The following HCRTR2 variants were observed in gnomAD, a reference collection of about 807,000 sequenced individuals.
HCRTR2 encodes orexin receptor type 2.
Under a neutral mutation model 49.0 loss-of-function variants are expected in HCRTR2, and 22 were observed. The observed-to-expected ratio is 0.45, with a 90% CI of 0.32 to 0.64. HCRTR2 has a LOEUF of 0.64. HCRTR2 is among the 30% of genes least tolerant of loss of function. The probability of loss-of-function intolerance (pLI) is 0.04; values close to 1 mark genes in which losing one functional copy is unlikely to be tolerated. For missense variants in HCRTR2, 491 were observed against 559.4 expected (o/e 0.88, Z 1.23); for synonymous variants, 236 against 205.3 (o/e 1.15, Z -1.28).
intron 4 of HCRTR2, among the ~76,000 whole-genome samples, chr6:55,269,010 A>C (rs928773690): frequency 1.3e-5 from 2 of 151,504 alleles, no homozygotes; most frequent in East Asian, 1.9e-4. Flanking sequence ...GAATGGCGTG[A>C]ACCCGGGGGG....
chr6:55,114,090 A>G (rs1021270021), intron 1 of HCRTR2, among the ~76,000 whole-genome samples: 1 of 151,650 alleles, frequency 6.6e-6, no homozygotes, highest in Non-Finnish European at 1.5e-5. Context: ...ATGCAAAGGC[A>G]TAAGAATGAT....
In HCRTR2 at chr6:55,160,672, G is replaced by A. The variant is rs185544868; in HGVS notation, c.-377-13539G>A. On this transcript the variant is annotated intron_variant, in intron 1 of 7. Coordinates refer to the HCRTR2 transcript ENST00000615358. ...AAGCAAATGGAAAGCAAAATAAAGC[G>A]GAGGTTGCAATCCTAGTCTCTGATA... Among the ~76,000 whole-genome samples the A allele has an allele frequency of 8.0e-4, 122 of 151,746 alleles. 3 individuals are homozygous for A. In the South Asian group the frequency reaches 0.017, roughly 21 times the overall value.
chr6:55,187,172 T>C (rs1467732887), intron 1 of HCRTR2, among the ~76,000 whole-genome samples: 5 of 151,958 alleles, frequency 3.3e-5, no homozygotes, highest in African/African-American at 1.2e-4. Context: ...TTTGGGATGC[T>C]GAGGCGGGTG....
intron 1 of HCRTR2, among the ~76,000 whole-genome samples, chr6:55,121,943 G>T (rs1764205996): frequency 6.6e-6 from 1 of 152,042 alleles, no homozygotes; most frequent in African/African-American, 2.4e-5. Context: ...TTGTGTCTCT[G>T]CCAAGTTTTG....
chr6:55,189,923 G>A (rs1175128605), intron 1 of HCRTR2, among the ~76,000 whole-genome samples: 4 of 152,170 alleles, frequency 2.6e-5, no homozygotes, highest in African/African-American at 7.2e-5. Flanking sequence ...ACAAAGATAC[G>A]TGGAGTTTGA....
At chr6:55,247,890 T>C (rs1226067088) in intron 1 of HCRTR2, among the ~76,000 whole-genome samples, 14 of 152,120 alleles carry the variant, frequency 9.2e-5, no homozygotes, top group African/African-American at 7.2e-5. Flanking sequence ...ATGTACTTTA[T>C]TACAGTACTC....
At chr6:55,142,209 T>G (rs1257957286) in intron 1 of HCRTR2, among the ~76,000 whole-genome samples, 1 of 152,010 alleles carries the variant, frequency 6.6e-6, no homozygotes, top group African/African-American at 2.4e-5. Flanking sequence ...AAATTTTTTT[T>G]TTTTTGAGAC....
chr6:55,174,768 T>G lies in HCRTR2; in HGVS notation c.181T>G (p.Tyr61Asp). The change falls in exon 1 of 7, where the codon TAC (tyrosine) becomes GAC (aspartate). Residue 61 changes from tyrosine (Y) to aspartate (D), a missense_variant. Coordinates refer to ENST00000370862, the MANE Select transcript of HCRTR2 (RefSeq NM_001384272.1). ...ATATGAGTGGGTCCTGATCGCCGGG[T>G]ACATCATCGTGTTCGTCGTGGCTCT... is the stretch of plus-strand genomic sequence containing the variant. ...KEYEWVLIAG[Y>D]IIVFVVALIG... The G allele has an allele frequency of 6.2e-7, 1 of 1,613,938 alleles. No homozygotes were observed. The highest frequency in any genetic ancestry group is 8.5e-7 in the Non-Finnish European group (1 of 1,179,976).
chr6:55,244,055 G>A (rs746874450), intron 1 of HCRTR2, among the ~76,000 whole-genome samples: 2 of 152,000 alleles, frequency 1.3e-5, no homozygotes, highest in Admixed American at 6.6e-5. Flanking sequence ...GATGGTCTGG[G>A]CACGGAATAT....
chr6:55,142,621 A>G (rs1764523088), intron 1 of HCRTR2, among the ~76,000 whole-genome samples: 1 of 152,100 alleles, frequency 6.6e-6, no homozygotes, highest in Admixed American at 6.6e-5. Context: ...CTATATAAGT[A>G]TATGTAAGTA....
At chr6:55,173,641 A>C (rs79287400), upstream of HCRTR2, among the ~76,000 whole-genome samples, 1,159 of 152,332 alleles carry the variant, frequency 7.6e-3, 11 homozygotes, top group Middle Eastern at 0.017. Flanking sequence ...CCTACAGTGA[A>C]TGTTTAATAT....
At chr6:55,135,898 T>C (rs1191772372) in intron 1 of HCRTR2, among the ~76,000 whole-genome samples, 2 of 152,158 alleles carry the variant, frequency 1.3e-5, no homozygotes, top group Admixed American at 1.3e-4. Context: ...TGGTGATAAC[T>C]TGAGGAGTCA....
At chr6:55,243,043 G>A (rs1325246165) in intron 1 of HCRTR2, among the ~76,000 whole-genome samples, 1 of 151,076 alleles carries the variant, frequency 6.6e-6, no homozygotes, top group Admixed American at 6.6e-5. Flanking sequence ...CATGTCTTAC[G>A]GAGAATGTGC....
intron 1 of HCRTR2, among the ~76,000 whole-genome samples, chr6:55,192,203 A>C (rs1415278299): frequency 6.6e-6 from 1 of 152,142 alleles, no homozygotes; most frequent in Non-Finnish European, 1.5e-5. Context: ...CTCAAATTTT[A>C]ATCTTTTGTT....
intron 1 of HCRTR2, among the ~76,000 whole-genome samples, chr6:55,215,016 T>C (rs559375640): frequency 4.6e-5 from 7 of 152,164 alleles, no homozygotes; most frequent in African/African-American, 9.6e-5. Context: ...TAAAGCATCA[T>C]TGACAAAATA....
chr6:55,124,251 C>A (rs1041599940), intron 1 of HCRTR2, among the ~76,000 whole-genome samples: 1 of 151,972 alleles, frequency 6.6e-6, no homozygotes, highest in African/African-American at 2.4e-5. Flanking sequence ...TCTGGGCATT[C>A]AGTGCTATAA....
intron 5 of HCRTR2, 60 bp downstream of exon 5, chr6:55,277,660 C>CTT (rs11455646): frequency 0.021 from 19,957 of 929,602 alleles, 47 homozygotes; most frequent in African/African-American, 0.046. Context: ...TCTTAATTAA[C>CTT]TTTTTTTTTT....
chr6:55,210,908 C>T (rs1377664788), intron 1 of HCRTR2, among the ~76,000 whole-genome samples: 1 of 152,090 alleles, frequency 6.6e-6, no homozygotes, highest in Non-Finnish European at 1.5e-5. Context: ...GCTCATGCAC[C>T]ACATAGTGAT....
rs568945802 is a variant in HCRTR2 at position 55,122,352 on chromosome 6, C to A, written c.-378+15807C>A. On this transcript the variant is annotated intron_variant, in intron 1 of 7. Coordinates refer to the HCRTR2 transcript ENST00000615358. ...TATTGTGTCTATTTGATTCTTCTCT[C>A]TTTTCTTCTTTATTAGTCTTGCTAG... Among the ~76,000 whole-genome samples, 4 of 152,164 alleles carry A rather than the reference C, an allele frequency of 2.6e-5. No individual in the cohort carries two copies. In the South Asian group the frequency reaches 8.3e-4, roughly 32 times the overall value.
Sources: gnomAD v4.1 joint callset for allele counts (sites outside exome capture counted in the v4.1 genomes callset) on GRCh38, gnomAD v4.1.1 for gene constraint, MANE v1.5 for transcripts, NCBI Gene and HGNC (gene_info 2026-07-23, HGNC 2026-07-21) for gene names.